Variants in ADD1 observed in about 807,000 individuals in gnomAD.
ADD1 encodes adducin 1.
Under a neutral mutation model 80.5 loss-of-function variants are expected in ADD1, and 24 were observed. The ratio of observed to expected loss-of-function variants is 0.30; its 90% CI spans 0.22 to 0.42. The LOEUF is 0.42. Ranked by LOEUF, ADD1 falls within the 10% of genes least tolerant of loss-of-function variation. ADD1 has a pLI of 1.00. For synonymous variants in ADD1, 373 were observed against 393.8 expected, an observed-to-expected ratio of 0.95 and a Z score of 0.63; for missense variants, 948 against 1,019.0, an observed-to-expected ratio of 0.93 and a Z score of 0.95.
At position 2,896,146 on chromosome 4, in the gene ADD1, C is replaced by G. The variant is rs1351542818; in HGVS notation, c.741+1415C>G. On this transcript the variant is annotated intron_variant, in intron 6 of 15. Coordinates refer to ENST00000683351, the MANE Select transcript of ADD1 (RefSeq NM_001354761.2). ...TCGTGATCCGCCCGCTTCGGCCTCC[C>G]AAAGTGCTGGGATTACAGGTGTGAG... is the stretch of plus-strand genomic sequence containing the variant. 3.9e-5 allele frequency among the ~76,000 whole-genome samples: 6 copies of G among 152,058 alleles called. No homozygotes were observed. The East Asian group carries it at 7.7e-4, about 20-fold the overall frequency.
chr4:2,871,165 G>T (rs1730385843), intron 1 of ADD1, among the ~76,000 whole-genome samples: 1 of 151,910 alleles, frequency 6.6e-6, no homozygotes, highest in African/African-American at 2.4e-5. Context: ...TAGAGATGGG[G>T]TTTCACCGTG....
intron 1 of ADD1, among the ~76,000 whole-genome samples, chr4:2,847,303 C>T (rs776769376): frequency 1.3e-5 from 2 of 151,954 alleles, no homozygotes; most frequent in Non-Finnish European, 2.9e-5. Flanking sequence ...TGCCTGTAAT[C>T]CCCACTACTA....
intron 1 of ADD1, among the ~76,000 whole-genome samples, chr4:2,854,265 A>G (rs1727742065): frequency 1.3e-5 from 2 of 152,238 alleles, no homozygotes; most frequent in Admixed American, 1.3e-4. Context: ...CGTAGGCTGC[A>G]GTGAGCCAAG....
chr4:2,902,740 AAGG>A (rs1736391889), intron 9 of ADD1: 1 of 151,846 alleles, frequency 6.6e-6, no homozygotes, highest in Non-Finnish European at 1.5e-5. Context: ...AAAAAAATAA[AAGG>A]AGGCCGGGCG....
chr4:2,874,592 G>A (rs1436291392), intron 1 of ADD1, among the ~76,000 whole-genome samples: 2 of 146,452 alleles, frequency 1.4e-5, no homozygotes, highest in South Asian at 2.1e-4. Flanking sequence ...GAGCGACAGA[G>A]TGAGACTGTC....
At chr4:2,927,918 A>G (rs1357615492) in intron 15 of ADD1, among the ~76,000 whole-genome samples, 1 of 152,054 alleles carries the variant, frequency 6.6e-6, no homozygotes, top group East Asian at 1.9e-4. Flanking sequence ...CAGGCCTGGG[A>G]CGGAGTCTGG....
At chr4:2,909,156 G>A in intron 12 of ADD1, 183 bp from the exon 13 acceptor site, 1 of 604,016 alleles carries the variant, frequency 1.7e-6, no homozygotes, top group South Asian at 2.0e-5. Flanking sequence ...ACGATTGTTG[G>A]ATTTGTCCAG....
intron 1 of ADD1, chr4:2,867,804 G>C (rs1729774837): frequency 1.3e-5 from 2 of 152,214 alleles, no homozygotes; most frequent in Admixed American, 1.3e-4. Context: ...TTGTCAGAGA[G>C]AATGTGGATT....
intron 4 of ADD1, among the ~76,000 whole-genome samples, chr4:2,888,285 G>A (rs1480678057): frequency 1.3e-5 from 2 of 151,920 alleles, no homozygotes; most frequent in Admixed American, 1.3e-4. Context: ...CACCATGCTG[G>A]CCAGCCTGGG....
intron 2 of ADD1, among the ~76,000 whole-genome samples, chr4:2,880,296 C>T (rs1158161117): frequency 6.6e-6 from 1 of 151,942 alleles, no homozygotes; most frequent in Non-Finnish European, 1.5e-5. Flanking sequence ...TGTGCTTCCC[C>T]CAAGTGATAG....
rs182095490 is a variant in ADD1, at chr4:2,883,621, A to C, written c.359-894A>C. Among the ~76,000 whole-genome samples, 45 of 150,568 alleles carry C rather than the reference A, an allele frequency of 3.0e-4. No individual in the cohort carries two copies. The East Asian group carries it at 5.1e-3, about 17-fold the overall frequency. Reference sequence around the variant, plus strand: ...CGATCACAGCTCACTACAACCTTGAACTCCTAGGCTTAAGGGATCCTCCAT... The same window carrying C: ...CGATCACAGCTCACTACAACCTTGACCTCCTAGGCTTAAGGGATCCTCCAT... On this transcript the variant is annotated intron_variant, in intron 3 of 15. Transcript: ENST00000683351.
intron 1 of ADD1, among the ~76,000 whole-genome samples, chr4:2,864,742 C>G (rs1259122440): frequency 6.6e-6 from 1 of 150,966 alleles, no homozygotes; most frequent in Non-Finnish European, 1.5e-5. Context: ...AGGTGGGGGG[C>G]GCTGATGTCA....
At chr4:2,898,937 C>T (rs1042824856) in intron 8 of ADD1, 2 of 380,948 alleles carry the variant, frequency 5.3e-6, no homozygotes, top group Non-Finnish European at 9.6e-6. Flanking sequence ...CCCCTCCGCT[C>T]CGTCAGCCGT....
Position 2,905,064 on chromosome 4 carries a change from C to T in ADD1, c.1462C>T (p.Leu488Phe). ...TCACGTGAAACCCTTGCTGCAGTCT[C>T]TCTCGTCCGGTGTCTGCGTGCCAAG... ...HDHVKPLLQS[L>F]SSGVCVPSCI... The change falls in exon 10 of 16, where the codon CTC becomes TTC. Residue 488 changes from leucine (L) to phenylalanine (F), a missense_variant. Coordinates refer to ENST00000683351, the MANE Select transcript of ADD1 (RefSeq NM_001354761.2). The T allele has an allele frequency of 6.2e-7, 1 of 1,614,228 alleles. No homozygotes were observed. Among genetic ancestry groups the T allele is most frequent in the South Asian group, 1.1e-5 (1 of 91,088 alleles).
intron 4 of ADD1, among the ~76,000 whole-genome samples, chr4:2,892,862 A>T (rs1263362): frequency 6.6e-6 from 1 of 151,622 alleles, no homozygotes; most frequent in South Asian, 2.1e-4. Context: ...AAAAAAAAAA[A>T]CAGATCAAGT....
chr4:2,900,717 A>G (rs1189687678), intron 9 of ADD1: 2 of 152,262 alleles, frequency 1.3e-5, no homozygotes, highest in Non-Finnish European at 2.9e-5. Context: ...ATTGTCCGCT[A>G]GAAAGGAGGA....
chr4:2,847,279 G>A (rs1218942212), intron 1 of ADD1, among the ~76,000 whole-genome samples: 4 of 151,646 alleles, frequency 2.6e-5, no homozygotes, highest in Admixed American at 2.6e-4. Flanking sequence ...AAATTAGCTG[G>A]GCATGGTGGT....
intron 4 of ADD1, 151 bp downstream of exon 4, chr4:2,884,817 C>T (rs776509726): frequency 8.7e-5 from 85 of 976,054 alleles, no homozygotes; most frequent in Non-Finnish European, 1.1e-4. Flanking sequence ...GTGTAATAAC[C>T]TGAGAATCAG....
chr4:2,904,161 A>G (rs1209025999), intron 9 of ADD1, among the ~76,000 whole-genome samples: 1 of 152,142 alleles, frequency 6.6e-6, no homozygotes, highest in Non-Finnish European at 1.5e-5. Flanking sequence ...ATATGTAAGC[A>G]GGAGAGTGCA....
Sources: allele counts gnomAD v4.1 joint callset (sites outside exome capture counted in the v4.1 genomes callset), GRCh38; gene constraint gnomAD v4.1.1; transcripts MANE v1.5; gene names NCBI Gene and HGNC (gene_info 2026-07-23, HGNC 2026-07-21).